The following WNT5B variants were observed in gnomAD, a reference collection of about 807,000 sequenced individuals.
WNT5B encodes the protein protein Wnt-5b.
A neutral mutation model predicts 36.5 loss-of-function variants in WNT5B; 18 were observed. The observed-to-expected ratio is 0.49, with a 90% CI of 0.34 to 0.73. The LOEUF (loss-of-function observed/expected upper bound fraction) is 0.73, where lower values mean the gene tolerates loss of function less well. Among genes scored for constraint, WNT5B ranks in the 30% least tolerant of loss-of-function variants. WNT5B has a pLI of 0.01. For missense variants in WNT5B, 424 were observed against 508.4 expected (o/e 0.83, Z 1.60); for synonymous variants, 213 against 212.3 (o/e 1.00, Z -0.03).
upstream of WNT5B, among the ~76,000 whole-genome samples, chr12:1,625,384 TG>T (rs1470774259): frequency 6.6e-6 from 1 of 152,118 alleles, no homozygotes; most frequent in Non-Finnish European, 1.5e-5. Flanking sequence ...AGGAGGTATT[TG>T]TCTATTGTGC....
At position 1,645,919 on chromosome 12, in the gene WNT5B, C is replaced by G. The variant is rs748494808; in HGVS notation, c.747C>G (p.Tyr249Ter). ...TCGGGGACCGGCTGAAGGAGAAGTA[C>G]GACAGCGCGGCCGCCATGCGCGTCA... is the stretch of plus-strand genomic sequence containing the variant. Reference protein sequence around the residue: ...RKVGDRLKEKYDSAAAMRVTR... With the variant: ...RKVGDRLKEK The change falls in exon 5 of 5, where the codon TAC becomes TAG. Residue 249 changes from tyrosine (Y) to a stop codon, truncating the protein, a stop_gained. Transcript: ENST00000397196. LOFTEE classifies it high-confidence loss of function. 1 of 1,610,476 alleles carries G rather than the reference C, an allele frequency of 6.2e-7. No individual in the cohort carries two copies. The highest frequency in any genetic ancestry group is 8.5e-7 in the Non-Finnish European group (1 of 1,179,872).
At chr12:1,629,850 C>G (rs1167274038) in intron 1 of WNT5B, 1 of 148,168 alleles carries the variant, frequency 6.7e-6, no homozygotes, top group African/African-American at 2.5e-5. Context: ...GAGGGGGGGT[C>G]TGAGGGGAGT....
chr12:1,621,255 A>G (rs545630916), intron 1 of WNT5B, among the ~76,000 whole-genome samples: 1 of 152,224 alleles, frequency 6.6e-6, no homozygotes, highest in South Asian at 2.1e-4. Context: ...CACAAAGGAT[A>G]CCAAGATTTC....
At chr12:1,641,566 G>A (rs550293669) in intron 4 of WNT5B, among the ~76,000 whole-genome samples, 151 of 152,254 alleles carry the variant, frequency 9.9e-4, no homozygotes, top group African/African-American at 3.4e-3. Flanking sequence ...ACTTTGGGAG[G>A]CTGAGGCGGG....
upstream of WNT5B, among the ~76,000 whole-genome samples, chr12:1,625,982 T>C (rs1197638804): frequency 6.7e-6 from 1 of 148,406 alleles, no homozygotes; most frequent in Non-Finnish European, 1.5e-5. Flanking sequence ...TCTCTCTCTT[T>C]TTTTTTTTTT....
intron 3 of WNT5B, among the ~76,000 whole-genome samples, chr12:1,635,872 C>T (rs1469520688): frequency 6.6e-6 from 1 of 152,208 alleles, no homozygotes. Flanking sequence ...TCCTATTTCA[C>T]AACTGACCAG....
chr12:1,631,296 A>T lies in WNT5B; in HGVS notation c.-57-2A>T. ...CTGACTCTCCATTTCTGTTTTCTCC[A>T]GGGAACCCTACTCTGGAAACTGTCA... On this transcript the variant is annotated splice_acceptor_variant, in intron 1 of 4. Coordinates refer to ENST00000397196, the MANE Select transcript of WNT5B (RefSeq NM_032642.3). LOFTEE classifies it low-confidence loss of function (5UTR_SPLICE). 8 of 1,602,352 alleles carry T rather than the reference A, an allele frequency of 5.0e-6. No homozygotes were observed. The highest frequency in any genetic ancestry group is 8.5e-7 in the Non-Finnish European group (1 of 1,172,694).
At position 1,639,755 on chromosome 12, in the gene WNT5B, C is replaced by A. The variant is rs112329239; in HGVS notation, c.400C>A (p.Arg134Ser). The A allele has an allele frequency of 1.1e-4, 170 of 1,605,652 alleles. No homozygotes were observed. Among genetic ancestry groups the A allele is most frequent in the African/African-American group, 2.4e-4 (18 of 74,700 alleles). The change falls in exon 4 of 5, where the codon CGC (arginine) becomes AGC (serine). Residue 134 changes from arginine to serine, a missense_variant. Arg to Ser is a moderately radical substitution (Grantham distance 110). Transcript: ENST00000397196. ...GVVNAISRAC[R>S]EGELSTCGCS... ...GGTCAACGCCATCAGCCGGGCCTGCCGCGAGGGCGAGCTCTCCACCTGCGG... is the reference window on the plus strand; with the variant it reads ...GGTCAACGCCATCAGCCGGGCCTGCAGCGAGGGCGAGCTCTCCACCTGCGG...
At chr12:1,640,116 A>C in intron 4 of WNT5B, 140 bp downstream of exon 4, 1 of 998,826 alleles carries the variant, frequency 1.0e-6, no homozygotes, top group Non-Finnish European at 1.4e-6. Flanking sequence ...GCAAATTTAC[A>C]TGTCCACGTT....
chr12:1,637,402 T>TAC (rs142125149), intron 3 of WNT5B, among the ~76,000 whole-genome samples: 8,833 of 152,142 alleles, frequency 0.058, 440 homozygotes, highest in East Asian at 0.22. Context: ...ATAATGTGAA[T>TAC]AGGCAATAAA....
In WNT5B at chr12:1,639,978, T is replaced by C; in HGVS notation, c.621+2T>C. ...CAAAACAACGAGGCCGGTCGCAGGGTAAGCTGGGCCTCCCCGGCCTCCCCA... is the reference window on the plus strand; with the variant it reads ...CAAAACAACGAGGCCGGTCGCAGGGCAAGCTGGGCCTCCCCGGCCTCCCCA... On this transcript the variant is annotated splice_donor_variant, in intron 4 of 4. Transcript: ENST00000397196. LOFTEE classifies it high-confidence loss of function. 6.2e-7 allele frequency: 1 copy of C among 1,609,422 alleles called. No individual in the cohort carries two copies. The highest frequency in any genetic ancestry group is 8.5e-7 in the Non-Finnish European group (1 of 1,178,214).
chr12:1,627,913 T>C (rs1227046436), upstream of WNT5B, among the ~76,000 whole-genome samples: 1 of 152,180 alleles, frequency 6.6e-6, no homozygotes, highest in Non-Finnish European at 1.5e-5. This position sits in a 1 kb window ranked among gnomAD's most constrained non-coding sequence, Gnocchi z 5.0. Flanking sequence ...TATGATACAT[T>C]TGTTTGTTCA....
At position 1,639,729 on chromosome 12, in the gene WNT5B, T is replaced by C. The variant is rs1235132056; in HGVS notation, c.374T>C (p.Val125Ala). 6.3e-7 allele frequency: 1 copy of C among 1,597,842 alleles called. No homozygotes were observed. Residue 125 changes from valine to alanine, a missense_variant, in exon 4 of 5, where the codon GTG becomes GCG. Val to Ala is a moderately conservative substitution (Grantham distance 64, BLOSUM62 0). Coordinates refer to ENST00000397196, the MANE Select transcript of WNT5B (RefSeq NM_032642.3). ...AFTHAVSAAG[V>A]VNAISRACRE... ...ACCCACGCGGTGAGCGCCGCGGGCG[T>C]GGTCAACGCCATCAGCCGGGCCTGC...
upstream of WNT5B, among the ~76,000 whole-genome samples, chr12:1,627,277 G>A (rs2094542574): frequency 6.6e-6 from 1 of 152,206 alleles, no homozygotes; most frequent in South Asian, 2.1e-4. The surrounding 1 kb of genome is among the most constrained non-coding windows in gnomAD (Gnocchi z 5.0). Context: ...ACAGGTTTCT[G>A]GATGTGACGG....
chr12:1,622,142 G>A (rs12812390), intron 1 of WNT5B, among the ~76,000 whole-genome samples: 3 of 130,306 alleles, frequency 2.3e-5, no homozygotes, highest in South Asian at 4.7e-4. Flanking sequence ...ACGGAGTCTC[G>A]CTCTGTCGCC....
In WNT5B at chr12:1,645,815, G is replaced by A. The variant is rs777605638; in HGVS notation, c.643G>A (p.Val215Ile). Residue 215 changes from valine (V) to isoleucine (I), a missense_variant, in exon 5 of 5, where the codon GTA becomes ATA. Coordinates refer to ENST00000397196, the MANE Select transcript of WNT5B (RefSeq NM_032642.3). ...GRRAVYKMAD[V>I]ACKCHGVSGS... ...CTAGGCTGTGTATAAGATGGCAGACGTAGCCTGCAAATGCCACGGCGTCTC... is the reference window on the plus strand; with the variant it reads ...CTAGGCTGTGTATAAGATGGCAGACATAGCCTGCAAATGCCACGGCGTCTC... 16 of 1,593,148 alleles carry A rather than the reference G, an allele frequency of 1.0e-5. No individual in the cohort carries two copies. The highest frequency in any genetic ancestry group is 3.4e-5 in the Admixed American group (2 of 58,702).
rs769123568 is a variant in WNT5B at position 1,640,003 on chromosome 12, A to G, written c.621+27A>G. On this transcript the variant is annotated intron_variant, in intron 4 of 4. Coordinates refer to ENST00000397196, the MANE Select transcript of WNT5B (RefSeq NM_032642.3). The stretch of plus-strand genomic sequence containing the variant: ...TAAGCTGGGCCTCCCCGGCCTCCCC[A>G]GCACTGCAGACCTAGGGGGCTGTTC... 6 of 1,592,892 alleles carry G rather than the reference A, an allele frequency of 3.8e-6. No individual in the cohort carries two copies. In the African/African-American group the frequency reaches 6.7e-5, roughly 18 times the overall value.
chr12:1,621,624 A>C (rs1000371117), intron 1 of WNT5B, among the ~76,000 whole-genome samples: 1 of 151,826 alleles, frequency 6.6e-6, no homozygotes, highest in East Asian at 1.9e-4. Context: ...ATCATAGCTC[A>C]CTGCAGCCTT....
At chr12:1,641,875 G>C (rs2094575998) in intron 4 of WNT5B, among the ~76,000 whole-genome samples, 1 of 152,252 alleles carries the variant, frequency 6.6e-6, no homozygotes, top group African/African-American at 2.4e-5. Context: ...AATGGAATAG[G>C]AAGTGTCTTT....
Sources: gnomAD v4.1 joint callset for allele counts (sites outside exome capture counted in the v4.1 genomes callset) on GRCh38, gnomAD v4.1.1 for gene constraint, Gnocchi (gnomAD v3.1) non-coding constraint, MANE v1.5 for transcripts, NCBI Gene and HGNC (gene_info 2026-07-23, HGNC 2026-07-21) for gene names.